Variants in TPRG1 observed in about 807,000 individuals in gnomAD.
TPRG1 encodes the protein tumor protein p63 regulated 1, also known as tumor protein p63-regulated gene 1 protein.
TPRG1 carries 29 observed loss-of-function variants against 29.3 expected under a neutral mutation model. That is an observed-to-expected ratio of 0.99 (90% CI 0.74 to 1.35). The LOEUF (loss-of-function observed/expected upper bound fraction) is 1.35. Among genes scored for constraint, TPRG1 ranks in the 40% most tolerant of loss-of-function variants. The pLI is 0.00. For synonymous variants in TPRG1, 130 were observed against 116.8 expected, an observed-to-expected ratio of 1.11 and a Z score of -0.73; for missense variants, 327 against 335.0, an observed-to-expected ratio of 0.98 and a Z score of 0.19.
intron 3 of TPRG1, among the ~76,000 whole-genome samples, chr3:189,145,817 G>C (rs965778795): frequency 6.6e-6 from 1 of 152,136 alleles, no homozygotes; most frequent in African/African-American, 2.4e-5. Flanking sequence ...TGACACTCAA[G>C]CTGCTAAGAA....
chr3:189,163,217 G>A (rs550814639), intron 5 of TPRG1, among the ~76,000 whole-genome samples: 1 of 152,130 alleles, frequency 6.6e-6, no homozygotes, highest in East Asian at 1.9e-4. Context: ...AGGGTGCAGC[G>A]AGCCAAGATG....
At chr3:188,997,241 A>AT (rs1286177599) in intron 1 of TPRG1, among the ~76,000 whole-genome samples, 2 of 151,652 alleles carry the variant, frequency 1.3e-5, no homozygotes, top group East Asian at 1.9e-4. Context: ...CCTTCTATGC[A>AT]TTTTTTTCTT....
intron 4 of TPRG1, among the ~76,000 whole-genome samples, chr3:189,086,577 G>A (rs1453356831): frequency 2.0e-5 from 3 of 148,248 alleles, no homozygotes; most frequent in Non-Finnish European, 4.5e-5. Flanking sequence ...GCCTAGGCTG[G>A]AGTGCAATGT....
At chr3:189,152,440 C>A (rs995557172) in intron 5 of TPRG1, among the ~76,000 whole-genome samples, 2 of 152,100 alleles carry the variant, frequency 1.3e-5, no homozygotes, top group Non-Finnish European at 2.9e-5. Context: ...TACATGTGGA[C>A]GGTTTCCTTT....
intron 2 of TPRG1, among the ~76,000 whole-genome samples, chr3:189,002,250 C>T (rs922021646): frequency 6.6e-6 from 1 of 152,174 alleles, no homozygotes; most frequent in South Asian, 2.1e-4. Context: ...CATTTCCAAC[C>T]TCCTGCTTTG....
At chr3:189,057,102 C>T (rs16863931) in intron 4 of TPRG1, among the ~76,000 whole-genome samples, 2,986 of 152,202 alleles carry the variant, frequency 0.02, 98 homozygotes, top group African/African-American at 0.067. Flanking sequence ...CTCTAGGGCC[C>T]GTTAGGATTG....
chr3:189,054,050 T>G (rs191939394), intron 4 of TPRG1, among the ~76,000 whole-genome samples: 13 of 152,344 alleles, frequency 8.5e-5, no homozygotes, highest in Admixed American at 7.8e-4. Flanking sequence ...TTCAGTCTTT[T>G]TTGTTGTTGT....
chr3:189,270,830 G>A (rs1160137284), intron 4 of TPRG1, among the ~76,000 whole-genome samples: 1 of 152,070 alleles, frequency 6.6e-6, no homozygotes, highest in African/African-American at 2.4e-5. Flanking sequence ...CTTTACCTGA[G>A]ATGAAACACA....
At chr3:189,058,952 G>C (rs936062113) in intron 4 of TPRG1, among the ~76,000 whole-genome samples, 1 of 152,170 alleles carries the variant, frequency 6.6e-6, no homozygotes, top group African/African-American at 2.4e-5. Context: ...TTTTCATTTA[G>C]ATGGGGTCCT....
At chr3:189,100,846 G>A (rs1010310484) in intron 1 of TPRG1, among the ~76,000 whole-genome samples, 5 of 152,030 alleles carry the variant, frequency 3.3e-5, no homozygotes, top group Admixed American at 6.6e-5. Flanking sequence ...GGCTTCCACC[G>A]CAAGCTAAGT....
intron 1 of TPRG1, among the ~76,000 whole-genome samples, chr3:189,124,516 C>T (rs1316616732): frequency 6.7e-6 from 1 of 150,310 alleles, no homozygotes; most frequent in Non-Finnish European, 1.5e-5. Context: ...CATATTATGA[C>T]ATTTTTTTTA....
intron 4 of TPRG1, among the ~76,000 whole-genome samples, chr3:189,291,676 C>G (rs1212332622): frequency 6.6e-6 from 1 of 152,170 alleles, no homozygotes; most frequent in Non-Finnish European, 1.5e-5. Flanking sequence ...TCTGAGAAGC[C>G]AAGTCCCTGT....
intron 4 of TPRG1, among the ~76,000 whole-genome samples, chr3:189,245,467 T>C (rs1042351753): frequency 1.3e-5 from 2 of 152,154 alleles, no homozygotes; most frequent in Admixed American, 6.5e-5. Flanking sequence ...GACCCATGGA[T>C]GCATTGTAAG....
intron 4 of TPRG1, among the ~76,000 whole-genome samples, chr3:189,090,550 A>G (rs999553599): frequency 1.3e-5 from 2 of 152,038 alleles, no homozygotes; most frequent in African/African-American, 4.8e-5. Context: ...TTATTTAGAT[A>G]TTTTGCATCC....
At position 189,320,688 on chromosome 3, in the gene TPRG1, A is replaced by T; in HGVS notation, c.696A>T (p.Gly232=). 1 of 1,612,762 alleles carries T rather than the reference A, an allele frequency of 6.2e-7. No individual in the cohort carries two copies. The highest frequency in any genetic ancestry group is 1.1e-5 in the South Asian group (1 of 90,956). The change falls in exon 6 of 6, where the codon GGA becomes GGT. Residue 232 remains glycine (G), a synonymous_variant. Transcript: ENST00000345063. Reference sequence around the variant, plus strand: ...AGAATGCCCACAAGAATTCAACTGGATCTGGAAGAGGAAAGAAACTGATGG... The same window carrying T: ...AGAATGCCCACAAGAATTCAACTGGTTCTGGAAGAGGAAAGAAACTGATGG... The part of the protein sequence containing the change: ...AIQNAHKNST[G]SGRGKKLMVL...
intron 1 of TPRG1, among the ~76,000 whole-genome samples, chr3:189,121,008 C>T (rs764436892): frequency 1.2e-4 from 18 of 152,054 alleles, no homozygotes; most frequent in African/African-American, 2.7e-4. Flanking sequence ...TATTAGATGA[C>T]GCAGTACTAC....
At chr3:189,175,943 T>C (rs1729433761) in intron 1 of TPRG1, among the ~76,000 whole-genome samples, 1 of 152,186 alleles carries the variant, frequency 6.6e-6, no homozygotes, top group South Asian at 2.1e-4. Flanking sequence ...AAGCAGTCAC[T>C]CTATAAGGAA....
chr3:189,130,572 C>A (rs1166687803), intron 2 of TPRG1, among the ~76,000 whole-genome samples: 2 of 152,168 alleles, frequency 1.3e-5, no homozygotes, highest in African/African-American at 4.8e-5. Context: ...AAAGAGAACA[C>A]CAATAGTCCC....
chr3:189,230,081 G>C (rs1169696891), intron 3 of TPRG1, among the ~76,000 whole-genome samples: 1 of 152,216 alleles, frequency 6.6e-6, no homozygotes, highest in Non-Finnish European at 1.5e-5. Flanking sequence ...AGTCGGTCAG[G>C]GGTGGGCCTC....
Sources: allele counts gnomAD v4.1 joint callset (sites outside exome capture counted in the v4.1 genomes callset), GRCh38; gene constraint gnomAD v4.1.1; transcripts MANE v1.5; gene names NCBI Gene and HGNC (gene_info 2026-07-23, HGNC 2026-07-21).